The following GPC5 variants were observed in gnomAD, a reference collection of about 807,000 sequenced individuals.
GPC5 encodes the protein glypican-5.
In GPC5, 47 loss-of-function variants were observed where a neutral mutation model predicts 53.9. The ratio of observed to expected loss-of-function variants is 0.87; its 90% CI spans 0.69 to 1.11. GPC5 has a LOEUF of 1.11. Ranked by LOEUF, GPC5 falls within the 50% of genes most tolerant of loss-of-function variation. The probability of loss-of-function intolerance (pLI) is 0.00; values close to 1 mark genes in which losing one functional copy is unlikely to be tolerated. For synonymous variants in GPC5, 286 were observed against 263.3 expected, an observed-to-expected ratio of 1.09 and a Z score of -0.84; for missense variants, 748 against 713.1, an observed-to-expected ratio of 1.05 and a Z score of -0.56.
chr13:92,370,684 G>A (rs1480622886), intron 7 of GPC5, among the ~76,000 whole-genome samples: 1 of 152,022 alleles, frequency 6.6e-6, no homozygotes, highest in African/African-American at 2.4e-5. Context: ...TACTCTTTTA[G>A]AAGGCAACTA....
intron 5 of GPC5, among the ~76,000 whole-genome samples, chr13:91,855,978 C>A (rs1349382887): frequency 2.0e-5 from 3 of 151,450 alleles, no homozygotes; most frequent in East Asian, 3.9e-4. Context: ...TCAGTCATTT[C>A]CCAGCTCCAA....
chr13:92,368,251 C>G (rs953680533), intron 7 of GPC5, among the ~76,000 whole-genome samples: 6 of 151,676 alleles, frequency 4.0e-5, no homozygotes, highest in African/African-American at 1.5e-4. Flanking sequence ...TCCCAAAGTG[C>G]TGGGATTACA....
chr13:92,309,149 T>C (rs2043129950), intron 7 of GPC5, among the ~76,000 whole-genome samples: 1 of 152,128 alleles, frequency 6.6e-6, no homozygotes, highest in Non-Finnish European at 1.5e-5. Flanking sequence ...ATTGTGTTAG[T>C]ATATTTTCTT....
chr13:92,743,317 A>G (rs1432455422), intron 7 of GPC5, among the ~76,000 whole-genome samples: 1 of 151,996 alleles, frequency 6.6e-6, no homozygotes, highest in African/African-American at 2.4e-5. Context: ...TGTAAGTTGG[A>G]TTCCTAGGTA....
intron 7 of GPC5, among the ~76,000 whole-genome samples, chr13:92,664,289 G>T (rs1886495347): frequency 6.6e-6 from 1 of 151,686 alleles, no homozygotes; most frequent in Non-Finnish European, 1.5e-5. Flanking sequence ...GGTAGTTGGT[G>T]ATTGATTGGG....
intron 2 of GPC5, among the ~76,000 whole-genome samples, chr13:91,636,019 G>A (rs2034276072): frequency 6.6e-6 from 1 of 151,828 alleles, no homozygotes; most frequent in African/African-American, 2.4e-5. Context: ...TGTTTTGGTT[G>A]TTGCCGTTGG....
intron 7 of GPC5, among the ~76,000 whole-genome samples, chr13:92,576,511 C>G (rs985123945): frequency 6.6e-6 from 1 of 152,124 alleles, no homozygotes; most frequent in Non-Finnish European, 1.5e-5. Context: ...GCAAGGTGTT[C>G]ATCACTAAAG....
intron 6 of GPC5, among the ~76,000 whole-genome samples, chr13:91,973,336 C>T (rs2040263099): frequency 6.6e-6 from 1 of 152,184 alleles, no homozygotes; most frequent in Non-Finnish European, 1.5e-5. Context: ...TTAAGGACTT[C>T]TCTGCATTAG....
intron 7 of GPC5, among the ~76,000 whole-genome samples, chr13:92,755,034 C>G (rs942912486): frequency 2.0e-5 from 3 of 152,056 alleles, no homozygotes; most frequent in African/African-American, 7.2e-5. Flanking sequence ...TACATTTTTT[C>G]AGCACCACAC....
intron 7 of GPC5, among the ~76,000 whole-genome samples, chr13:92,636,425 T>C (rs187451507): frequency 6.6e-6 from 1 of 152,296 alleles, no homozygotes; most frequent in East Asian, 1.9e-4. Flanking sequence ...TTTTGTTTCT[T>C]GGCCCTTCTT....
intron 6 of GPC5, among the ~76,000 whole-genome samples, chr13:91,967,549 A>C (rs2040192628): frequency 6.6e-6 from 1 of 152,062 alleles, no homozygotes; most frequent in Non-Finnish European, 1.5e-5. Flanking sequence ...ATTTTTGAAA[A>C]TTAAGTTAGA....
At chr13:91,850,179 C>G (rs534878390) in intron 5 of GPC5, among the ~76,000 whole-genome samples, 7 of 152,066 alleles carry the variant, frequency 4.6e-5, no homozygotes, top group Admixed American at 3.9e-4. Flanking sequence ...CTTTGATAAC[C>G]AACATCAATT....
intron 7 of GPC5, among the ~76,000 whole-genome samples, chr13:92,782,827 T>C (rs202011667): frequency 2.6e-5 from 4 of 152,134 alleles, no homozygotes; most frequent in East Asian, 1.9e-4. Flanking sequence ...TACTTTTGAA[T>C]ATAAATTCTT....
chr13:92,814,822 T>C (rs1173620004), intron 7 of GPC5, among the ~76,000 whole-genome samples: 1 of 152,034 alleles, frequency 6.6e-6, no homozygotes, highest in Non-Finnish European at 1.5e-5. Flanking sequence ...AATTTTACAC[T>C]TAAACATGTA....
At chr13:92,294,363 A>G (rs144221907) in intron 7 of GPC5, among the ~76,000 whole-genome samples, 3,110 of 152,148 alleles carry the variant, frequency 0.02, 106 homozygotes, top group African/African-American at 0.072. Flanking sequence ...TTAAATTACC[A>G]TTTCAATCTC....
intron 7 of GPC5, among the ~76,000 whole-genome samples, chr13:92,580,609 C>T (rs974337718): frequency 1.1e-4 from 16 of 152,132 alleles, no homozygotes; most frequent in African/African-American, 2.6e-4. Context: ...CTTGGCTTTT[C>T]GAGAGGCCTC....
intron 5 of GPC5, among the ~76,000 whole-genome samples, chr13:91,891,199 A>C (rs2039382028): frequency 6.6e-6 from 1 of 152,084 alleles, no homozygotes; most frequent in South Asian, 2.1e-4. Context: ...CAGATGTATT[A>C]AAGATTTTTT....
intron 6 of GPC5, among the ~76,000 whole-genome samples, chr13:92,070,364 T>C (rs1019474348): frequency 2.6e-5 from 4 of 152,214 alleles, no homozygotes; most frequent in African/African-American, 9.6e-5. Flanking sequence ...ATAAACTTCA[T>C]GCTTTCCTCT....
chr13:92,482,005 C>G lies in GPC5; in HGVS notation c.1561+337016C>G, dbSNP rs147167427. Among the ~76,000 whole-genome samples the G allele has an allele frequency of 3.5e-3, 539 of 152,062 alleles. 3 individuals carry two copies. The highest frequency in any genetic ancestry group is 0.012 in the African/African-American group (517 of 41,458). On this transcript the variant is annotated intron_variant, in intron 7 of 7. Coordinates refer to ENST00000377067, the MANE Select transcript of GPC5 (RefSeq NM_004466.6). ...AATTAGCCGGGTGTCGGGGTGGGCA[C>G]CTGTAATCCCAGGTACTTGGGAGGC... is the stretch of plus-strand genomic sequence containing the variant.
Sources: allele counts gnomAD v4.1 joint callset (sites outside exome capture counted in the v4.1 genomes callset), GRCh38; gene constraint gnomAD v4.1.1; transcripts MANE v1.5; gene names NCBI Gene and HGNC (gene_info 2026-07-23, HGNC 2026-07-21).